Variants in HTR1E observed in about 807,000 individuals in gnomAD.
HTR1E encodes the protein 5-HT-1E.
In HTR1E, 3 loss-of-function variants were observed where a neutral mutation model predicts 3.4. That is an observed-to-expected ratio of 0.89 (90% CI 0.41 to 2.31). The LOEUF (loss-of-function observed/expected upper bound fraction) is 2.31. Ranked by LOEUF, HTR1E falls within the 30% of genes most tolerant of loss-of-function variation. HTR1E has a pLI of 0.05. For synonymous variants in HTR1E, 170 were observed against 182.8 expected (o/e 0.93, Z 0.56); for missense variants, 392 against 467.0 (o/e 0.84, Z 1.48).
At chr6:86,942,345 A>T (rs1768557613) in intron 1 of HTR1E, among the ~76,000 whole-genome samples, 1 of 152,186 alleles carries the variant, frequency 6.6e-6, no homozygotes, top group African/African-American at 2.4e-5. Context: ...TACTTACTTA[A>T]GTACCTTACA....
At chr6:86,982,314 A>C (rs911132975) in intron 1 of HTR1E, among the ~76,000 whole-genome samples, 4 of 152,154 alleles carry the variant, frequency 2.6e-5, no homozygotes, top group African/African-American at 9.7e-5. Flanking sequence ...ATAATTTTAT[A>C]CCTTTACTGG....
chr6:87,004,478 G>T (rs1479101002), intron 1 of HTR1E, among the ~76,000 whole-genome samples: 1 of 152,066 alleles, frequency 6.6e-6, no homozygotes, highest in African/African-American at 2.4e-5. Flanking sequence ...TATGTCAACA[G>T]AATAAAGGAC....
chr6:86,979,993 A>C (rs371588217), intron 1 of HTR1E, among the ~76,000 whole-genome samples: 192 of 152,230 alleles, frequency 1.3e-3, no homozygotes, highest in African/African-American at 4.5e-3. Context: ...CTCTCCCCAT[A>C]ATCTGACCGC....
intron 1 of HTR1E, among the ~76,000 whole-genome samples, chr6:86,972,814 A>G (rs1767578872): frequency 6.6e-6 from 1 of 152,186 alleles, no homozygotes; most frequent in Admixed American, 6.5e-5. Context: ...TATGCCATAT[A>G]GATGATTTTT....
At chr6:86,945,249 G>C (rs1477422659) in intron 1 of HTR1E, among the ~76,000 whole-genome samples, 3 of 152,082 alleles carry the variant, frequency 2.0e-5, no homozygotes, top group African/African-American at 7.2e-5. Context: ...TTGTTTGTTT[G>C]TTTGTTTGTT....
intron 1 of HTR1E, among the ~76,000 whole-genome samples, chr6:87,003,583 A>G (rs572701132): frequency 1.3e-5 from 2 of 152,068 alleles, no homozygotes; most frequent in South Asian, 4.1e-4. Flanking sequence ...AGTTTCTTGA[A>G]CAAATGAAAA....
chr6:86,986,968 T>C (rs2127826775), intron 1 of HTR1E, among the ~76,000 whole-genome samples: 1 of 152,182 alleles, frequency 6.6e-6, no homozygotes, highest in South Asian at 2.1e-4. Context: ...ATTGACAAAG[T>C]AAATATTGGA....
At chr6:87,010,313 G>T (rs1283219786) in intron 1 of HTR1E, among the ~76,000 whole-genome samples, 1 of 113,906 alleles carries the variant, frequency 8.8e-6, no homozygotes, top group Non-Finnish European at 1.7e-5. Flanking sequence ...CGGGCGGGGG[G>T]GCTGACCCCC....
At chr6:86,978,868 T>A (rs1293460385) in intron 1 of HTR1E, among the ~76,000 whole-genome samples, 1 of 152,202 alleles carries the variant, frequency 6.6e-6, no homozygotes, top group Non-Finnish European at 1.5e-5. Flanking sequence ...ATCCTTTCCT[T>A]CCTGGCATAG....
At chr6:86,964,300 T>TA (rs74874217) in intron 1 of HTR1E, among the ~76,000 whole-genome samples, 24,135 of 152,148 alleles carry the variant, frequency 0.16, 2,207 homozygotes, top group East Asian at 0.29. Context: ...CAATTATCCT[T>TA]AAAAATCCTA....
At chr6:86,961,298 G>T (rs1380586883) in intron 1 of HTR1E, among the ~76,000 whole-genome samples, 2 of 152,088 alleles carry the variant, frequency 1.3e-5, no homozygotes, top group African/African-American at 4.8e-5. Context: ...CTTACCTACT[G>T]AATGTGGATC....
chr6:86,947,822 G>T (rs1342909895), intron 1 of HTR1E, among the ~76,000 whole-genome samples: 1 of 152,108 alleles, frequency 6.6e-6, no homozygotes. Flanking sequence ...ATTGAATTCA[G>T]ATTTTTTAAA....
At chr6:86,960,354 G>T (rs996669539) in intron 1 of HTR1E, among the ~76,000 whole-genome samples, 1 of 152,228 alleles carries the variant, frequency 6.6e-6, no homozygotes, top group South Asian at 2.1e-4. Context: ...ATTCATAAAG[G>T]CAGACCCCTC....
intron 1 of HTR1E, among the ~76,000 whole-genome samples, chr6:87,007,029 G>A (rs543326567): frequency 2.1e-4 from 32 of 152,226 alleles, no homozygotes; most frequent in African/African-American, 7.0e-4. Flanking sequence ...CATGGCACAC[G>A]TTTACCTATG....
At chr6:86,945,695 T>C (rs1768606529) in intron 1 of HTR1E, among the ~76,000 whole-genome samples, 2 of 152,202 alleles carry the variant, frequency 1.3e-5, no homozygotes, top group Non-Finnish European at 2.9e-5. Context: ...AAAGGTTTTT[T>C]TAATTTAAAA....
At chr6:87,012,034 A>G (rs1200654066) in intron 1 of HTR1E, among the ~76,000 whole-genome samples, 1 of 152,188 alleles carries the variant, frequency 6.6e-6, no homozygotes, top group Non-Finnish European at 1.5e-5. Context: ...TGGTGTGGCT[A>G]GGGACTTAGG....
intron 1 of HTR1E, among the ~76,000 whole-genome samples, chr6:86,940,718 C>T (rs1768534279): frequency 6.6e-6 from 1 of 152,038 alleles, no homozygotes; most frequent in South Asian, 2.1e-4. Context: ...TCTGCACTAC[C>T]CTTTAAAAGT....
chr6:87,005,211 C>T (rs957037342), intron 1 of HTR1E, among the ~76,000 whole-genome samples: 1 of 152,128 alleles, frequency 6.6e-6, no homozygotes, highest in East Asian at 1.9e-4. Flanking sequence ...ATACCAATGA[C>T]ATTGTGCACA....
At chr6:86,987,946 C>T (rs1031449937) in intron 1 of HTR1E, among the ~76,000 whole-genome samples, 3 of 152,106 alleles carry the variant, frequency 2.0e-5, no homozygotes, top group African/African-American at 7.2e-5. Flanking sequence ...ATTGGCAACA[C>T]CTGACTTTCG....
Sources: allele counts gnomAD v4.1 joint callset (sites outside exome capture counted in the v4.1 genomes callset), GRCh38; gene constraint gnomAD v4.1.1; transcripts MANE v1.5; gene names NCBI Gene and HGNC (gene_info 2026-07-23, HGNC 2026-07-21).